The following ATP11C variants were observed in gnomAD, a reference collection of about 807,000 sequenced individuals.
ATP11C encodes the protein ATPase phospholipid transporting 11C (ATP11C blood group), also known as phospholipid-transporting ATPase IG.
A neutral mutation model predicts 97.4 loss-of-function variants in ATP11C; 36 were observed. The ratio of observed to expected loss-of-function variants is 0.37; its 90% CI spans 0.28 to 0.49. The LOEUF is 0.49. Among genes scored for constraint, ATP11C ranks in the 20% least tolerant of loss-of-function variants. ATP11C has a pLI of 0.98. For synonymous variants in ATP11C, 275 were observed against 290.9 expected, an observed-to-expected ratio of 0.95 and a Z score of 0.56; for missense variants, 730 against 824.6, an observed-to-expected ratio of 0.89 and a Z score of 1.40.
At chrX:139,913,205 G>C (rs900008149) in intron 1 of ATP11C, among the ~76,000 whole-genome samples, 10 of 111,829 alleles carry the variant, frequency 8.9e-5, no homozygotes, top group Non-Finnish European at 1.5e-4. Context: ...ATAATGGCAG[G>C]TGACCACTGG....
At chrX:139,824,459 T>C (rs1327585465) in intron 2 of ATP11C, among the ~76,000 whole-genome samples, 2 of 111,830 alleles carry the variant, frequency 1.8e-5, no homozygotes, top group Non-Finnish European at 3.8e-5. Flanking sequence ...CCCAGCACTT[T>C]GGAAGGCCAA....
At chrX:139,900,521 T>A (rs772266768) in intron 1 of ATP11C, among the ~76,000 whole-genome samples, 2 of 112,136 alleles carry the variant, frequency 1.8e-5, no homozygotes, top group Admixed American at 9.5e-5. Context: ...ACAGTTACTA[T>A]AGAATCCTGG....
intron 2 of ATP11C, 64 bp from the exon 3 acceptor site, chrX:139,819,491 G>T: frequency 2.3e-6 from 1 of 436,738 alleles, no homozygotes; most frequent in South Asian, 7.7e-5. Context: ...TAATAGTAAT[G>T]ACTGATTATG....
chrX:139,774,712 T>C lies in ATP11C; in HGVS notation c.2194A>G (p.Lys732Glu), dbSNP rs1353384741. 3.3e-6 allele frequency: 4 copies of C among 1,208,809 alleles called. No homozygotes were observed. Among genetic ancestry groups the C allele is most frequent in the Admixed American group, 2.2e-5 (1 of 46,092 alleles). ...TACTTTTTAAAGCTTCTAGTACTTT[T>C]AGGAAACTCATGCAGCAATTTCTTG... Reference protein sequence around the residue: ...YRKKLLHEFPKSTRSFKKAWT... With the variant: ...YRKKLLHEFPESTRSFKKAWT... Residue 732 changes from lysine to glutamate, a missense_variant, in exon 19 of 30, where the codon AAA (lysine) becomes GAA (glutamate). Lys to Glu is a moderately conservative substitution (Grantham distance 56, BLOSUM62 1). Coordinates refer to ENST00000682941, the MANE Select transcript of ATP11C (RefSeq NM_001353812.2).
intron 20 of ATP11C, among the ~76,000 whole-genome samples, chrX:139,765,180 C>A (rs1446363089): frequency 1.8e-5 from 2 of 110,730 alleles, no homozygotes; most frequent in African/African-American, 6.6e-5. Context: ...TTCACTCAGC[C>A]CTAGATCAAA....
intron 23 of ATP11C, among the ~76,000 whole-genome samples, chrX:139,755,166 C>G (rs769674766): frequency 8.9e-6 from 1 of 111,868 alleles, no homozygotes; most frequent in African/African-American, 3.2e-5. Context: ...GTACAAAAAT[C>G]AGTAGCAATC....
intron 23 of ATP11C, among the ~76,000 whole-genome samples, chrX:139,756,024 A>G (rs1356908625): frequency 8.9e-6 from 1 of 112,583 alleles, no homozygotes; most frequent in East Asian, 2.8e-4. Flanking sequence ...ATGACTATCA[A>G]CAGAGTAAAC....
intron 22 of ATP11C, among the ~76,000 whole-genome samples, chrX:139,760,006 G>C (rs1330440558): frequency 8.9e-6 from 1 of 111,871 alleles, no homozygotes; most frequent in Non-Finnish European, 1.9e-5. Flanking sequence ...AAGGTCAAGA[G>C]AGAATAACCC....
rs1471611428 is a variant in ATP11C at position 139,766,592 on chromosome X, GTGTGTGTGTGCATA to G, written c.2391+1654_2391+1667del. 3.1e-3 allele frequency among the ~76,000 whole-genome samples: 342 copies of G among 111,440 alleles called. 3 individuals carry two copies. Among genetic ancestry groups the G allele is most frequent in the African/African-American group, 0.011 (334 of 30,584 alleles). On this transcript the variant is annotated intron_variant, in intron 20 of 29. Transcript: ENST00000682941. ...GCCTCAAATATGATGGGCGCTGTGT[GTGTGTGTGTGCATA>G]TGTGTGCGTGTGTGTGTGCGCGCGC...
At chrX:139,738,544 T>C (rs180687853) in intron 27 of ATP11C, among the ~76,000 whole-genome samples, 37 of 112,032 alleles carry the variant, frequency 3.3e-4, no homozygotes, top group East Asian at 1.4e-3. Flanking sequence ...CAGTAGAAGC[T>C]TATCATCTCT....
At chrX:139,739,245 G>A (rs2081506106) in intron 27 of ATP11C, among the ~76,000 whole-genome samples, 1 of 110,149 alleles carries the variant, frequency 9.1e-6, no homozygotes, top group Non-Finnish European at 1.9e-5. Context: ...GTCACAGAGT[G>A]TTCCTTGGCA....
At position 139,874,588 on chromosome X, in the gene ATP11C, A is replaced by C. The variant is rs2084437255; in HGVS notation, c.28-47765T>G. On this transcript the variant is annotated intron_variant, in intron 1 of 29. Coordinates refer to ENST00000682941, the MANE Select transcript of ATP11C (RefSeq NM_001353812.2). ...GATGCCAAAACTCAATGCTAATTCCAGACTGACCAATTATGGCGATATGTG... is the reference window on the plus strand; with the variant it reads ...GATGCCAAAACTCAATGCTAATTCCCGACTGACCAATTATGGCGATATGTG... 2.7e-5 allele frequency among the ~76,000 whole-genome samples: 3 copies of C among 112,169 alleles called. No individual in the cohort carries two copies. The Admixed American group carries it at 2.8e-4, about 11-fold the overall frequency.
intron 20 of ATP11C, among the ~76,000 whole-genome samples, chrX:139,765,400 C>T (rs1181761912): frequency 3.6e-5 from 4 of 111,587 alleles, no homozygotes; most frequent in African/African-American, 1.3e-4. Context: ...ATTAGATAAG[C>T]AGATTAACAA....
chrX:139,771,131 C>T, intron 19 of ATP11C, among the ~76,000 whole-genome samples: 1 of 111,293 alleles, frequency 9.0e-6, no homozygotes, highest in African/African-American at 3.3e-5. Context: ...GTGGGAGGGA[C>T]CCAGGGGGAG....
intron 1 of ATP11C, among the ~76,000 whole-genome samples, chrX:139,842,430 A>C (rs1335355374): frequency 1.8e-5 from 2 of 112,453 alleles, no homozygotes; most frequent in African/African-American, 6.5e-5. Flanking sequence ...GCTGGGTAGT[A>C]GGTACAGGCT....
chrX:139,851,497 T>C (rs768906246), intron 1 of ATP11C, among the ~76,000 whole-genome samples: 4 of 112,155 alleles, frequency 3.6e-5, no homozygotes, highest in African/African-American at 1.3e-4. Flanking sequence ...AGTAGAAATG[T>C]GAGGTTGGAG....
At chrX:139,833,945 C>T (rs2083704291) in intron 1 of ATP11C, among the ~76,000 whole-genome samples, 3 of 111,456 alleles carry the variant, frequency 2.7e-5, no homozygotes, top group Non-Finnish European at 3.8e-5. Context: ...GTAAACTATT[C>T]GCAGGAACAA....
In ATP11C at chrX:139,800,112, T is replaced by C; in HGVS notation, c.660-2A>G. On this transcript the variant is annotated splice_acceptor_variant, in intron 7 of 29. Coordinates refer to ENST00000682941, the MANE Select transcript of ATP11C (RefSeq NM_001353812.2). LOFTEE classifies it high-confidence loss of function. Reference sequence around the variant, plus strand: ...TAGATATTGATTCGCCCAACAAATCTGTAAAAAGAACAAAATTGCAAATGT... The same window carrying C: ...TAGATATTGATTCGCCCAACAAATCCGTAAAAAGAACAAAATTGCAAATGT... 8.6e-7 allele frequency: 1 copy of C among 1,162,398 alleles called. No homozygotes were observed. Among genetic ancestry groups the C allele is most frequent in the South Asian group, 1.8e-5 (1 of 54,586 alleles).
intron 1 of ATP11C, among the ~76,000 whole-genome samples, chrX:139,866,822 C>A (rs1200424898): frequency 9.0e-6 from 1 of 111,633 alleles, no homozygotes; most frequent in African/African-American, 3.3e-5. Flanking sequence ...GTGGCTCACA[C>A]CTATAAATCC....
Sources: gnomAD v4.1 joint callset for allele counts (sites outside exome capture counted in the v4.1 genomes callset) on GRCh38, gnomAD v4.1.1 for gene constraint, MANE v1.5 for transcripts, NCBI Gene and HGNC (gene_info 2026-07-23, HGNC 2026-07-21) for gene names.